UGT3A1: variants seen among roughly 807,000 people sequenced by gnomAD.
UGT3A1 encodes UDP-glycosyltransferase 3A1.
UGT3A1 carries 40 observed loss-of-function variants against 37.6 expected under a neutral mutation model. The ratio of observed to expected loss-of-function variants is 1.06; its 90% CI spans 0.83 to 1.38. The LOEUF (loss-of-function observed/expected upper bound fraction) is 1.38. Ranked by LOEUF, UGT3A1 falls within the 40% of genes most tolerant of loss-of-function variation. The pLI is 0.00. For missense variants in UGT3A1, 642 were observed against 634.2 expected (o/e 1.01, Z -0.13); for synonymous variants, 256 against 232.3 (o/e 1.10, Z -0.93).
At chr5:35,992,773 G>C (rs1392130908), upstream of UGT3A1, among the ~76,000 whole-genome samples, 1 of 152,140 alleles carries the variant, frequency 6.6e-6, no homozygotes, top group East Asian at 1.9e-4. Context: ...CACAAAACTT[G>C]ATGATATTAA....
At chr5:35,964,903 G>A (rs1739735870) in intron 4 of UGT3A1, among the ~76,000 whole-genome samples, 1 of 152,180 alleles carries the variant, frequency 6.6e-6, no homozygotes. Context: ...CCAGGAGCCA[G>A]GGCTCTACAG....
chr5:35,956,903 G>A (rs996812572), intron 5 of UGT3A1, among the ~76,000 whole-genome samples: 9 of 152,060 alleles, frequency 5.9e-5, no homozygotes, highest in African/African-American at 1.9e-4. Flanking sequence ...AATGTAGTAG[G>A]GTCAAGGCAA....
In UGT3A1 at chr5:35,965,571, T is replaced by C. The variant is rs1275847933; in HGVS notation, c.658A>G (p.Thr220Ala). The C allele has an allele frequency of 6.2e-6, 10 of 1,614,106 alleles. No individual in the cohort carries two copies. The highest frequency in any genetic ancestry group is 3.3e-5 in the Admixed American group (2 of 60,008). The change falls in exon 4 of 7, where the codon ACA becomes GCA. Residue 220 changes from threonine (T) to alanine (A), a missense_variant. By Grantham distance (58) the Thr-to-Ala change is moderately conservative. Transcript: ENST00000274278. The part of the protein sequence containing the change: ...FSRSQWDMQS[T>A]FDNTIKEHFP... ...TGCTCCTTGATGGTGTTGTCAAATGTAGACTGCATGTCCCATTGGCTCCTG... is the reference window on the plus strand; with the variant it reads ...TGCTCCTTGATGGTGTTGTCAAATGCAGACTGCATGTCCCATTGGCTCCTG...
chr5:35,997,954 G>A (rs1249046837), intron 1 of UGT3A1, among the ~76,000 whole-genome samples: 1 of 152,212 alleles, frequency 6.6e-6, no homozygotes. Flanking sequence ...CCCTGACAGT[G>A]TAAGAGGAAT....
chr5:35,994,541 T>G (rs1027951219), upstream of UGT3A1, among the ~76,000 whole-genome samples: 2 of 152,116 alleles, frequency 1.3e-5, no homozygotes, highest in Admixed American at 1.3e-4. Context: ...AAGCACTCCC[T>G]AAGATGTTCA....
chr5:35,973,261 C>A (rs1411209817), intron 2 of UGT3A1, among the ~76,000 whole-genome samples: 2 of 152,120 alleles, frequency 1.3e-5, no homozygotes, highest in Non-Finnish European at 2.9e-5. Flanking sequence ...AAAATAGACT[C>A]GAGCTCCAGA....
chr5:35,966,076 T>C (rs16902670), intron 3 of UGT3A1, among the ~76,000 whole-genome samples, 159 bp from the exon 4 acceptor site: 5,846 of 152,266 alleles, frequency 0.038, 373 homozygotes, highest in African/African-American at 0.13. Flanking sequence ...TCAGCTCTGG[T>C]CACTCTGGTC....
chr5:35,965,438 T>C lies in UGT3A1; in HGVS notation c.791A>G (p.Asn264Ser). 6.2e-7 allele frequency: 1 copy of C among 1,614,172 alleles called. No individual in the cohort carries two copies. Among genetic ancestry groups the C allele is most frequent in the Non-Finnish European group, 8.5e-7 (1 of 1,180,020 alleles). ...AFDFARPLLPNTVYIGGLMEK... is the reference protein window; with the variant it reads ...AFDFARPLLPSTVYIGGLMEK... ...CATCAAGCCTCCAATATAAACAGTG[T>C]TGGGAAGCAGGGGCCGGGCAAAATC... The change falls in exon 4 of 7, where the codon AAC (asparagine) becomes AGC (serine). Residue 264 changes from asparagine to serine, a missense_variant. Physicochemically the swap from Asn to Ser is conservative, Grantham distance 46. Transcript: ENST00000274278.
intron 4 of UGT3A1, chr5:35,961,637 G>A (rs1298639484): frequency 1.3e-5 from 2 of 152,186 alleles, no homozygotes; most frequent in Non-Finnish European, 2.9e-5. Flanking sequence ...TGGGGTTTAT[G>A]GGCTTGCATG....
intron 3 of UGT3A1, among the ~76,000 whole-genome samples, chr5:35,966,181 C>T (rs942706808): frequency 2.6e-5 from 4 of 152,214 alleles, no homozygotes; most frequent in African/African-American, 9.6e-5. Flanking sequence ...ATTCAACGTC[C>T]TACTCTGGGA....
chr5:35,969,055 T>C (rs1187914971), intron 2 of UGT3A1, among the ~76,000 whole-genome samples: 1 of 152,158 alleles, frequency 6.6e-6, no homozygotes, highest in Non-Finnish European at 1.5e-5. Flanking sequence ...TCTTACCCTA[T>C]GAGCACTGGT....
At chr5:35,956,928 T>C (rs1379685402) in intron 5 of UGT3A1, among the ~76,000 whole-genome samples, 1 of 152,166 alleles carries the variant, frequency 6.6e-6, no homozygotes, top group Non-Finnish European at 1.5e-5. Context: ...ACCACATACA[T>C]ATCACCTCTG....
chr5:35,993,418 C>T (rs1028182948), upstream of UGT3A1, among the ~76,000 whole-genome samples: 1 of 151,712 alleles, frequency 6.6e-6, no homozygotes, highest in Admixed American at 6.6e-5. Flanking sequence ...GAGCCAAGAT[C>T]GCGCCACTGC....
At chr5:35,983,056 A>C (rs1740591693) in intron 2 of UGT3A1, among the ~76,000 whole-genome samples, 1 of 152,156 alleles carries the variant, frequency 6.6e-6, no homozygotes, top group Admixed American at 6.5e-5. Context: ...TGCTTCCTAT[A>C]CATCGTGTGG....
At chr5:35,981,208 G>A (rs1003470153) in intron 2 of UGT3A1, among the ~76,000 whole-genome samples, 2 of 152,138 alleles carry the variant, frequency 1.3e-5, no homozygotes, top group African/African-American at 4.8e-5. Flanking sequence ...TTCCAAAATG[G>A]CATCATAGAA....
intron 1 of UGT3A1, among the ~76,000 whole-genome samples, chr5:35,997,891 C>G (rs920399594): frequency 6.6e-6 from 1 of 152,206 alleles, no homozygotes. Flanking sequence ...GCTATATTTA[C>G]TGAGACTTAA....
At chr5:35,987,896 G>C (rs1009580629) in intron 2 of UGT3A1, among the ~76,000 whole-genome samples, 1 of 152,092 alleles carries the variant, frequency 6.6e-6, no homozygotes, top group African/African-American at 2.4e-5. Context: ...ACAATTCTTT[G>C]GAGGAAATGA....
intron 1 of UGT3A1, 129 bp from the exon 2 acceptor site, chr5:35,988,680 A>G: frequency 3.0e-6 from 2 of 676,740 alleles, no homozygotes. Context: ...AACAGTGAGA[A>G]GATGGAGATA....
At chr5:35,966,311 C>A (rs1739806786) in intron 3 of UGT3A1, among the ~76,000 whole-genome samples, 1 of 152,124 alleles carries the variant, frequency 6.6e-6, no homozygotes, top group Non-Finnish European at 1.5e-5. Flanking sequence ...CTCCAGAAAT[C>A]TATGTAAGTA....
Sources: allele counts gnomAD v4.1 joint callset (sites outside exome capture counted in the v4.1 genomes callset), GRCh38; gene constraint gnomAD v4.1.1; transcripts MANE v1.5; gene names NCBI Gene and HGNC (gene_info 2026-07-23, HGNC 2026-07-21).